Variants in C17orf75 observed in about 807,000 individuals in gnomAD.
The protein encoded by C17orf75 is chromosome 17 open reading frame 75.
A neutral mutation model predicts 49.6 loss-of-function variants in C17orf75; 32 were observed. The ratio of observed to expected loss-of-function variants is 0.65; its 90% confidence interval spans 0.49 to 0.87. The LOEUF is 0.87. Among genes scored for constraint, C17orf75 ranks in the 40% least tolerant of loss-of-function variants. C17orf75 has a pLI of 0.00. For synonymous variants in C17orf75, 158 were observed against 159.5 expected (o/e 0.99, Z 0.07); for missense variants, 428 against 473.9 (o/e 0.90, Z 0.90).
rs768320047 is a variant in C17orf75 at position 32,338,282 on chromosome 17, T to C, written c.417A>G (p.Val139=). 1 of 1,612,858 alleles carries C rather than the reference T, an allele frequency of 6.2e-7. No individual in the cohort carries two copies. The highest frequency in any genetic ancestry group is 8.5e-7 in the Non-Finnish European group (1 of 1,179,546). The change falls in exon 4 of 10, where the codon GTA becomes GTG. Residue 139 remains valine, a synonymous_variant. Coordinates refer to ENST00000577809, the MANE Select transcript of C17orf75 (RefSeq NM_022344.4). The part of the protein sequence containing the change: ...FQNEKLLPET[V]TIDSERNPSE... ...AAGGGTTACGTTCAGAGTCTATCGT[T>C]ACTGTTTCAGGAAGCAGTTTTTCAT...
At chr17:32,336,716 A>G (rs1482388873) in intron 5 of C17orf75, among the ~76,000 whole-genome samples, 1 of 152,208 alleles carries the variant, frequency 6.6e-6, no homozygotes, top group East Asian at 1.9e-4. Flanking sequence ...GAAATCAGGA[A>G]AAGGACATCC....
In C17orf75 at chr17:32,338,218, C is replaced by T. The variant is rs779384453; in HGVS notation, c.481G>A (p.Gly161Arg). 8 of 1,611,334 alleles carry T rather than the reference C, an allele frequency of 5.0e-6. No individual in the cohort carries two copies. The highest frequency in any genetic ancestry group is 6.8e-6 in the Non-Finnish European group (8 of 1,179,332). Reference protein sequence around the residue: ...VVCFLGGSEKGLELFRLELDK... With the variant: ...VVCFLGGSEKRLELFRLELDK... The stretch of plus-strand genomic sequence containing the variant: ...CCAAAGAAAGGATATAGCTCAAGTC[C>T]TTTTTCAGACCCTCCTAAAAAACAG... The change falls in exon 4 of 10, where the codon GGA (glycine) becomes AGA (arginine). Residue 161 changes from glycine to arginine, a missense_variant. Transcript: ENST00000577809.
In C17orf75 at chr17:32,330,540, T is replaced by C. The variant is rs191467333; in HGVS notation, c.*1223A>G. On this transcript the variant is annotated 3_prime_UTR_variant, in exon 10 of 10. Transcript: ENST00000577809. ...TTGCAATTGTATGTATGTAGCTACA[T>C]AGGCTTCCATGGGAATTGTAAATGG... The C allele has an allele frequency of 1.3e-5, 2 of 152,242 alleles. No homozygotes were observed. The highest frequency in any genetic ancestry group is 2.4e-5 in the African/African-American group (1 of 41,452). 9.4% of individuals were successfully genotyped at this position (152,242 alleles called of 1,614,324 possible). A position where few individuals can be genotyped will look rare whatever the true frequency, so the allele number is the denominator to read the frequency against.
In C17orf75 at chr17:32,342,146, G is replaced by C. The variant is rs760093515; in HGVS notation, c.-7C>G. 3.1e-6 allele frequency: 5 copies of C among 1,592,476 alleles called. No homozygotes were observed. In the East Asian group the frequency reaches 1.2e-4, roughly 37 times the overall value. The stretch of plus-strand genomic sequence containing the variant: ...CCTGCAAAGAGGGGAGCATTGCGGC[G>C]GCCTCTGAGCGGCCCTGTGTCTCCG... On this transcript the variant is annotated 5_prime_UTR_variant, in exon 1 of 10. Coordinates refer to ENST00000577809, the MANE Select transcript of C17orf75 (RefSeq NM_022344.4).
intron 1 of C17orf75, 79 bp downstream of exon 1, chr17:32,341,921 G>A (rs1597738685): frequency 1.7e-6 from 2 of 1,151,132 alleles, no homozygotes. Flanking sequence ...GGCCGGGGGT[G>A]GGGTGCAAGG....
Position 32,335,426 on chromosome 17 carries a change from C to T in C17orf75, c.566G>A (p.Ser189Asn), listed in dbSNP as rs761823796. The change falls in exon 6 of 10, where the codon AGT becomes AAT. Residue 189 changes from serine to asparagine, a missense_variant. By Grantham distance (46) the Ser-to-Asn change is conservative. Coordinates refer to ENST00000577809, the MANE Select transcript of C17orf75 (RefSeq NM_022344.4). ...NMNCEARGLE[S>N]HIKSYLSSWF... ...GCTGCTCAGATAGGATTTTATGTGA[C>T]TCTCCAGGCCCCTTGCCTAAATCAA... 6.2e-6 allele frequency: 10 copies of T among 1,613,714 alleles called. No homozygotes were observed. The highest frequency in any genetic ancestry group is 8.5e-6 in the Non-Finnish European group (10 of 1,179,836).
Position 32,330,712 on chromosome 17 carries a change from CTTTG to C in C17orf75, c.*1047_*1050del, listed in dbSNP as rs1266178829. 6.6e-6 allele frequency: 1 copy of C among 152,192 alleles called. No individual in the cohort carries two copies. Among genetic ancestry groups the C allele is most frequent in the Non-Finnish European group, 1.5e-5 (1 of 68,032 alleles). The allele number at this position is 152,192 out of a possible 1,614,324, so 9.4% of individuals were successfully genotyped here. ...ACAGTTTGCTTGTAAACTGTATGTA[CTTTG>C]TTTCTTTTCTCAACACTGTTTTAAA... On this transcript the variant is annotated 3_prime_UTR_variant, in exon 10 of 10. Transcript: ENST00000577809.
In C17orf75 at chr17:32,334,501, C is replaced by T; in HGVS notation, c.839G>A (p.Cys280Tyr). 1 of 1,612,338 alleles carries T rather than the reference C, an allele frequency of 6.2e-7. No individual in the cohort carries two copies. The highest frequency in any genetic ancestry group is 1.1e-5 in the South Asian group (1 of 90,538). Residue 280 changes from cysteine (C) to tyrosine (Y), a missense_variant, in exon 8 of 10, where the codon TGC becomes TAC. Coordinates refer to ENST00000577809, the MANE Select transcript of C17orf75 (RefSeq NM_022344.4). ...EEQHKSVVIDCSSSQPQFCNA... is the reference protein window; with the variant it reads ...EEQHKSVVIDYSSSQPQFCNA... ...GCAGAACTGAGGCTGGGAGCTGCTG[C>T]AATCGATGACCACAGACTTATGCTG...
chr17:32,346,579 T>TG (rs1197078877), upstream of C17orf75, among the ~76,000 whole-genome samples: 5 of 152,104 alleles, frequency 3.3e-5, no homozygotes, highest in Non-Finnish European at 7.4e-5. Context: ...GCAATTTTTT[T>TG]TTGTTTTTTT....
rs765473354 is a variant in C17orf75, at chr17:32,341,283, A to G, written c.142T>C (p.Leu48=). The G allele has an allele frequency of 8.1e-6, 13 of 1,613,756 alleles. No individual in the cohort carries two copies. Among genetic ancestry groups the G allele is most frequent in the South Asian group, 2.2e-5 (2 of 91,070 alleles). ...TCACTGTCCCCTCGTTGCTGTGCCAATCTACAAGCCACAAAACCAATAGTG... is the reference window on the plus strand; with the variant it reads ...TCACTGTCCCCTCGTTGCTGTGCCAGTCTACAAGCCACAAAACCAATAGTG... ...YCLYSYRGSR[L]AQQRGDSEDG... is the part of the protein sequence containing the mutation. The change falls in exon 2 of 10, where the codon TTG becomes CTG. Residue 48 remains leucine (L), a splice_region_variant and synonymous_variant. Transcript: ENST00000577809.
chr17:32,347,573 C>G (rs951554528), intron 1 of C17orf75, among the ~76,000 whole-genome samples: 1 of 152,142 alleles, frequency 6.6e-6, no homozygotes, highest in African/African-American at 2.4e-5. Flanking sequence ...TGAGCCACCA[C>G]CACACCCACT....
upstream of C17orf75, among the ~76,000 whole-genome samples, chr17:32,344,920 TA>T (rs535070019): frequency 2.1e-3 from 310 of 151,156 alleles, no homozygotes; most frequent in African/African-American, 7.2e-3. Context: ...AAAAAATAAA[TA>T]AAAATAAAAA....
At chr17:32,346,467 G>A (rs922911355), upstream of C17orf75, among the ~76,000 whole-genome samples, 2 of 152,106 alleles carry the variant, frequency 1.3e-5, no homozygotes, top group South Asian at 4.2e-4. Context: ...GCCCAGGCTC[G>A]CCTTAAACTT....
At chr17:32,345,647 T>A (rs1483943926), upstream of C17orf75, among the ~76,000 whole-genome samples, 2 of 146,730 alleles carry the variant, frequency 1.4e-5, no homozygotes, top group Non-Finnish European at 3.0e-5. Context: ...CTGGCCAACA[T>A]GGTGAAACCC....
At chr17:32,345,274 G>A (rs867145918), upstream of C17orf75, among the ~76,000 whole-genome samples, 2 of 151,574 alleles carry the variant, frequency 1.3e-5, no homozygotes, top group South Asian at 4.2e-4. Flanking sequence ...TCAGGAGTTC[G>A]AGACCAGCCT....
At chr17:32,338,106 C>T (rs2150776946) in intron 4 of C17orf75, 102 bp downstream of exon 4, 2 of 1,540,116 alleles carry the variant, frequency 1.3e-6, no homozygotes, top group South Asian at 2.4e-5. Flanking sequence ...CAACTAAATA[C>T]ACGAGGAGTA....
rs147109840 is a variant in C17orf75, at chr17:32,334,400, T to C, written c.871+69A>G. 517 of 1,527,920 alleles carry C rather than the reference T, an allele frequency of 3.4e-4. 4 individuals carry two copies. The African/African-American group carries it at 6.5e-3, about 19-fold the overall frequency. The allele number at this position is 1,527,920 out of a possible 1,614,324, so 94.6% of individuals were successfully genotyped here. A position where few individuals can be genotyped will look rare whatever the true frequency, so the allele number is the denominator to read the frequency against. On this transcript the variant is annotated intron_variant, in intron 8 of 9. Transcript: ENST00000577809. ...AGGCAGGAAGAATAAGGTTGTATCA[T>C]AGGCTCTCAGTGCAAAGATGGGGAC...
At chr17:32,334,191 T>C (rs1461897943) in intron 8 of C17orf75, among the ~76,000 whole-genome samples, 5 of 152,222 alleles carry the variant, frequency 3.3e-5, no homozygotes, top group Non-Finnish European at 5.9e-5. Flanking sequence ...TCCAATTCCT[T>C]GCTTTTTCAA....
At chr17:32,349,933 T>C in intron 1 of C17orf75, 1 of 1,118,442 alleles carries the variant, frequency 8.9e-7, no homozygotes. Flanking sequence ...CGCATGCCCC[T>C]TAGCGTACCT....
Sources: gnomAD v4.1 joint callset for allele counts (sites outside exome capture counted in the v4.1 genomes callset) on GRCh38, gnomAD v4.1.1 for gene constraint, MANE v1.5 for transcripts, NCBI Gene and HGNC (gene_info 2026-07-23, HGNC 2026-07-21) for gene names.